RBFOX1: variants seen among roughly 807,000 people sequenced by gnomAD.
RBFOX1 encodes RNA binding protein fox-1 homolog 1.
Under a neutral mutation model 57.7 loss-of-function variants are expected in RBFOX1, and 8 were observed. That is an observed-to-expected ratio of 0.14 (90% CI 0.08 to 0.25). RBFOX1 has a LOEUF of 0.25. Among genes scored for constraint, RBFOX1 ranks in the 10% least tolerant of loss-of-function variants. The pLI, the probability that RBFOX1 is intolerant of heterozygous loss-of-function variation, is 1.00. For synonymous variants in RBFOX1, 326 were observed against 222.4 expected, an observed-to-expected ratio of 1.47 and a Z score of -4.15; for missense variants, 611 against 548.5, an observed-to-expected ratio of 1.11 and a Z score of -1.14.
At chr16:7,577,620 G>A (rs967737097) in intron 5 of RBFOX1, among the ~76,000 whole-genome samples, 3 of 152,330 alleles carry the variant, frequency 2.0e-5, no homozygotes, top group African/African-American at 7.2e-5. Flanking sequence ...ACCAGTCTCT[G>A]GGGATGGTGG....
intron 4 of RBFOX1, among the ~76,000 whole-genome samples, chr16:7,468,115 A>G (rs1165988061): frequency 6.6e-6 from 1 of 152,234 alleles, no homozygotes; most frequent in Non-Finnish European, 1.5e-5. Flanking sequence ...TGAGCTGGCA[A>G]GAAGGTAACA....
At position 6,451,083 on chromosome 16, in the gene RBFOX1, C is replaced by A. The variant is rs1250362627; in HGVS notation, c.-64+134026C>A. ...TCTTCACCATTGAGTGTCTCAGTTA[C>A]CCCGATGTCCACTCTTCCTTTCTCA... On this transcript the variant is annotated intron_variant, in intron 2 of 15. Coordinates refer to ENST00000550418, the MANE Select transcript of RBFOX1 (RefSeq NM_018723.4). 4.0e-5 allele frequency among the ~76,000 whole-genome samples: 6 copies of A among 151,254 alleles called. No homozygotes were observed. The East Asian group carries it at 1.2e-3, about 30-fold the overall frequency.
intron 4 of RBFOX1, among the ~76,000 whole-genome samples, chr16:7,394,402 C>T (rs1314261669): frequency 6.6e-6 from 1 of 152,056 alleles, no homozygotes; most frequent in African/African-American, 2.4e-5. Context: ...CCTTAGTCTT[C>T]AGCCTGAATC....
At chr16:6,369,537 C>T (rs2090135303) in intron 2 of RBFOX1, among the ~76,000 whole-genome samples, 1 of 152,218 alleles carries the variant, frequency 6.6e-6, no homozygotes, top group Non-Finnish European at 1.5e-5. Flanking sequence ...TCTCTTTAGT[C>T]CTAAAGTTGT....
intron 2 of RBFOX1, among the ~76,000 whole-genome samples, chr16:6,627,196 G>C (rs1435928724): frequency 6.6e-6 from 1 of 152,192 alleles, no homozygotes; most frequent in East Asian, 1.9e-4. Flanking sequence ...GGGATGGGCA[G>C]AGTAGTTTGG....
At chr16:5,372,002 AG>A (rs1265031979) in intron 1 of RBFOX1, among the ~76,000 whole-genome samples, 2 of 152,144 alleles carry the variant, frequency 1.3e-5, no homozygotes, top group Non-Finnish European at 2.9e-5. Flanking sequence ...TGTCCTCATA[AG>A]GGGGGAATCC....
intron 1 of RBFOX1, among the ~76,000 whole-genome samples, chr16:5,243,522 A>T (rs1452757858): frequency 2.0e-5 from 3 of 152,046 alleles, no homozygotes; most frequent in Admixed American, 2.0e-4. Context: ...CGTCCCGTGT[A>T]TTGTAGGATG....
At chr16:7,024,181 A>G (rs557264448) in intron 3 of RBFOX1, among the ~76,000 whole-genome samples, 31 of 152,286 alleles carry the variant, frequency 2.0e-4, no homozygotes, top group African/African-American at 7.5e-4. Flanking sequence ...CATTTAATAA[A>G]TATTAATGAA....
At chr16:7,576,305 A>G (rs1162244192) in intron 5 of RBFOX1, among the ~76,000 whole-genome samples, 1 of 152,124 alleles carries the variant, frequency 6.6e-6, no homozygotes, top group East Asian at 1.9e-4. Context: ...ATTAGCAAAT[A>G]ACAGGGATGG....
intron 1 of RBFOX1, among the ~76,000 whole-genome samples, chr16:6,036,865 C>G (rs541157110): frequency 2.0e-5 from 3 of 152,228 alleles, no homozygotes; most frequent in South Asian, 4.1e-4. Flanking sequence ...ATGGGACACA[C>G]AAAAAAGTAA....
intron 3 of RBFOX1, among the ~76,000 whole-genome samples, chr16:5,659,285 T>G (rs2049565300): frequency 6.6e-6 from 1 of 151,894 alleles, no homozygotes; most frequent in South Asian, 2.1e-4. Context: ...TTCTTATGTT[T>G]GTTGGCCATT....
chr16:6,338,143 G>T (rs1049850358), intron 2 of RBFOX1, among the ~76,000 whole-genome samples: 1 of 152,084 alleles, frequency 6.6e-6, no homozygotes, highest in African/African-American at 2.4e-5. Context: ...TTAGTGGTGA[G>T]AATAAAAAGA....
chr16:7,116,905 T>C (rs918006588), intron 4 of RBFOX1, among the ~76,000 whole-genome samples: 1 of 152,104 alleles, frequency 6.6e-6, no homozygotes, highest in African/African-American at 2.4e-5. Context: ...TCATGTGTGC[T>C]AGGGAGAGGA....
chr16:5,536,525 C>A (rs546722533), intron 2 of RBFOX1, among the ~76,000 whole-genome samples: 5 of 152,056 alleles, frequency 3.3e-5, no homozygotes, highest in Admixed American at 6.6e-5. Flanking sequence ...TGTGAGCCAG[C>A]GCTCCTGGCC....
At chr16:6,143,952 T>C (rs2096738177) in intron 1 of RBFOX1, among the ~76,000 whole-genome samples, 1 of 135,942 alleles carries the variant, frequency 7.4e-6, no homozygotes, top group African/African-American at 2.9e-5. Flanking sequence ...TGCAACACCA[T>C]ACTCAGCTAT....
chr16:6,059,732 A>T (rs1027156156), intron 1 of RBFOX1, among the ~76,000 whole-genome samples: 1 of 152,080 alleles, frequency 6.6e-6, no homozygotes, highest in South Asian at 2.1e-4. Context: ...CAGGGCCTCT[A>T]CCATCTGTTT....
intron 4 of RBFOX1, among the ~76,000 whole-genome samples, chr16:7,374,750 A>G (rs1273515619): frequency 6.6e-6 from 1 of 152,172 alleles, no homozygotes; most frequent in Non-Finnish European, 1.5e-5. Flanking sequence ...GAGTCTTTTA[A>G]TGCCTTTGTT....
intron 1 of RBFOX1, among the ~76,000 whole-genome samples, chr16:6,224,248 C>A (rs2097399391): frequency 6.6e-6 from 1 of 151,480 alleles, no homozygotes; most frequent in Admixed American, 6.6e-5. Context: ...TGAAGAAAGT[C>A]ATTGGTAGCT....
chr16:6,588,363 G>A (rs1241044723), intron 2 of RBFOX1, among the ~76,000 whole-genome samples: 1 of 151,720 alleles, frequency 6.6e-6, no homozygotes, highest in Non-Finnish European at 1.5e-5. Flanking sequence ...ATCTAGAAGA[G>A]TACTCTCGGC....
Sources: allele counts gnomAD v4.1 joint callset (sites outside exome capture counted in the v4.1 genomes callset), GRCh38; gene constraint gnomAD v4.1.1; transcripts MANE v1.5; gene names NCBI Gene and HGNC (gene_info 2026-07-23, HGNC 2026-07-21).